RNF17: variants seen among roughly 807,000 people sequenced by gnomAD.
The protein encoded by RNF17 is spermatogenesis associated 23.
Under a neutral mutation model 200.5 loss-of-function variants are expected in RNF17, and 31 were observed. That is an observed-to-expected ratio of 0.15 (90% confidence interval 0.12 to 0.21). RNF17 has a LOEUF of 0.21. Among genes scored for constraint, RNF17 ranks in the 10% least tolerant of loss-of-function variants. RNF17 has a pLI of 1.00. For synonymous variants in RNF17, 606 were observed against 637.8 expected, an observed-to-expected ratio of 0.95 and a Z score of 0.75; for missense variants, 1,628 against 1,905.1, an observed-to-expected ratio of 0.85 and a Z score of 2.71.
upstream of RNF17, among the ~76,000 whole-genome samples, chr13:24,762,142 G>C (rs1445009853): frequency 6.6e-6 from 1 of 152,078 alleles, no homozygotes; most frequent in Non-Finnish European, 1.5e-5. Context: ...GCCTAAGGCG[G>C]GCAGACTGCC....
chr13:24,770,333 TA>T (rs1217384751), intron 2 of RNF17, among the ~76,000 whole-genome samples: 1 of 152,092 alleles, frequency 6.6e-6, no homozygotes, highest in South Asian at 2.1e-4. Context: ...TGACAAGCTA[TA>T]GGGGGTAAAA....
intron 16 of RNF17, 36 bp from the exon 17 acceptor site, chr13:24,830,448 C>T (rs1889261344): frequency 7.6e-7 from 1 of 1,323,098 alleles, no homozygotes; most frequent in Admixed American, 2.0e-5. Flanking sequence ...AATTCTGTTT[C>T]CAAGTTTGTA....
chr13:24,878,592 T>G (rs61947509), intron 34 of RNF17, among the ~76,000 whole-genome samples: 18,850 of 152,124 alleles, frequency 0.12, 1,255 homozygotes, highest in Middle Eastern at 0.16. Context: ...TGGTGCAAGT[T>G]CTACAGTCCA....
At position 24,764,247 on chromosome 13, in the gene RNF17, A is replaced by G; in HGVS notation, c.44A>G (p.Tyr15Cys). Residue 15 changes from tyrosine to cysteine, a missense_variant, in exon 1 of 36, where the codon TAC becomes TGC. Around this residue, in one of 5 missense-constraint regions of RNF17, gnomAD observed 502 missense variants for 501.7 expected, o/e 1.00. Coordinates refer to ENST00000255324, the MANE Select transcript of RNF17 (RefSeq NM_031277.3). ...ASKTGPSRSS[Y>C]QRMGRKSQPW... ...AAGACTGGGCCTTCTAGGTCTTCCTACCAGCGAATGGGGAGGAAGAGTCAG... is the reference window on the plus strand; with the variant it reads ...AAGACTGGGCCTTCTAGGTCTTCCTGCCAGCGAATGGGGAGGAAGAGTCAG... The G allele has an allele frequency of 6.2e-7, 1 of 1,609,344 alleles. No individual in the cohort carries two copies. The highest frequency in any genetic ancestry group is 8.5e-7 in the Non-Finnish European group (1 of 1,176,392).
Position 24,844,785 on chromosome 13 carries a change from A to G in RNF17, c.2965A>G (p.Thr989Ala). The change falls in exon 21 of 36, where the codon ACA (threonine) becomes GCA (alanine). Residue 989 changes from threonine (T) to alanine (A), a missense_variant. Around this residue, in one of 5 missense-constraint regions of RNF17, gnomAD observed 227 missense variants for 319.8 expected, o/e 0.71. Coordinates refer to ENST00000255324, the MANE Select transcript of RNF17 (RefSeq NM_031277.3). ...WRRGQIIRMV[T>A]DTLVEVLLYD... ...AAGAGGCCAGATCATCAGAATGGTT[A>G]CAGACACATTGGTAGAGGTAAATTA... 2 of 1,613,514 alleles carry G rather than the reference A, an allele frequency of 1.2e-6. No individual in the cohort carries two copies. The highest frequency in any genetic ancestry group is 1.7e-6 in the Non-Finnish European group (2 of 1,179,716).
At chr13:24,755,497 T>A in the RNF17 span, among the ~76,000 whole-genome samples, 1 of 152,212 alleles carries the variant, frequency 6.6e-6, no homozygotes, top group African/African-American at 2.4e-5. Context: ...CAAGAACATA[T>A]AAGTATGTAA....
intron 15 of RNF17, among the ~76,000 whole-genome samples, chr13:24,815,414 G>A (rs1041808303): frequency 6.8e-6 from 1 of 147,568 alleles, no homozygotes; most frequent in Non-Finnish European, 1.5e-5. Flanking sequence ...GAATTAATTT[G>A]GTAGCCCTAA....
chr13:24,828,403 A>G (rs532119548), intron 16 of RNF17, among the ~76,000 whole-genome samples: 1 of 152,082 alleles, frequency 6.6e-6, no homozygotes. Flanking sequence ...TATCTGCCTA[A>G]TTTAAAAGTT....
the RNF17 span, among the ~76,000 whole-genome samples, chr13:24,749,738 TTTTTG>T: frequency 3.9e-5 from 6 of 152,124 alleles, no homozygotes; most frequent in African/African-American, 1.2e-4. Context: ...TAATTGCTCT[TTTTTG>T]TTTTGTTTTG....
chr13:24,852,395 C>T (rs944862657), intron 24 of RNF17, among the ~76,000 whole-genome samples: 1 of 152,134 alleles, frequency 6.6e-6, no homozygotes, highest in African/African-American at 2.4e-5. Context: ...GCCTTGGCCT[C>T]CCAAAGTGCT....
At chr13:24,838,097 T>C (rs184840854) in intron 18 of RNF17, among the ~76,000 whole-genome samples, 5 of 152,034 alleles carry the variant, frequency 3.3e-5, no homozygotes, top group Admixed American at 6.5e-5. Flanking sequence ...CTAGAAGAGA[T>C]TGGATAAATT....
chr13:24,850,696 G>A (rs1222676735), intron 23 of RNF17, among the ~76,000 whole-genome samples: 1 of 151,940 alleles, frequency 6.6e-6, no homozygotes, highest in Admixed American at 6.6e-5. Context: ...TACTATTTAT[G>A]TGCTTTCTCC....
intron 14 of RNF17, among the ~76,000 whole-genome samples, chr13:24,803,110 T>C (rs971688763): frequency 2.1e-5 from 3 of 139,930 alleles, no homozygotes; most frequent in African/African-American, 8.1e-5. Flanking sequence ...ATATAAAGTA[T>C]GTATAAATAC....
intron 16 of RNF17, chr13:24,826,090 A>G (rs1888593436): frequency 1.0e-6 from 1 of 985,076 alleles, no homozygotes; most frequent in Non-Finnish European, 1.2e-6. Context: ...TGCTATTTTG[A>G]TTGTCAAGGT....
chr13:24,846,843 A>G (rs995540039), intron 22 of RNF17, among the ~76,000 whole-genome samples: 6 of 152,222 alleles, frequency 3.9e-5, no homozygotes, highest in African/African-American at 1.4e-4. Flanking sequence ...ACTTGAAGCC[A>G]ATTGCATGTT....
At chr13:24,804,859 C>A (rs1391722145) in intron 15 of RNF17, among the ~76,000 whole-genome samples, 1 of 152,042 alleles carries the variant, frequency 6.6e-6, no homozygotes, top group Non-Finnish European at 1.5e-5. Context: ...TAGATAGTAA[C>A]AATAATAGTT....
At chr13:24,802,652 T>C in intron 14 of RNF17, 81 bp downstream of exon 14, 1 of 1,126,918 alleles carries the variant, frequency 8.9e-7, no homozygotes, top group South Asian at 1.6e-5. Context: ...TTAAAAACCA[T>C]GTCTGTAAAG....
chr13:24,749,168 A>G, the RNF17 span, among the ~76,000 whole-genome samples: 4 of 152,222 alleles, frequency 2.6e-5, no homozygotes, highest in African/African-American at 9.6e-5. Context: ...GGGAATTTTT[A>G]AAAATTACTG....
Position 24,850,344 on chromosome 13 carries a change from A to G in RNF17, c.3105A>G (p.Pro1035=). 6 of 1,610,462 alleles carry G rather than the reference A, an allele frequency of 3.7e-6. No homozygotes were observed. Among genetic ancestry groups the G allele is most frequent in the Non-Finnish European group, 5.1e-6 (6 of 1,177,152 alleles). ...TTGCCACTGTTTTCTGTTGTAGACC[A>G]GCTGGTGGGAGTGACAAGTGGACAG... ...SLECSLVDIR[P]AGGSDKWTAT... The change falls in exon 23 of 36, where the codon CCA becomes CCG. Residue 1035 remains proline, a synonymous_variant. Coordinates refer to ENST00000255324, the MANE Select transcript of RNF17 (RefSeq NM_031277.3).
Sources: allele counts gnomAD v4.1 joint callset (sites outside exome capture counted in the v4.1 genomes callset), GRCh38; gene constraint gnomAD v4.1.1; regional missense constraint gnomAD v4.1.1; transcripts MANE v1.5; gene names NCBI Gene and HGNC (gene_info 2026-07-23, HGNC 2026-07-21).